DNAI1: variants seen among roughly 807,000 people sequenced by gnomAD.
DNAI1 encodes dynein axonemal intermediate chain 1.
DNAI1 carries 67 observed loss-of-function variants against 92.0 expected under a neutral mutation model. That is an observed-to-expected ratio of 0.73 (90% CI 0.60 to 0.89). DNAI1 has a LOEUF of 0.89. Ranked by LOEUF, DNAI1 falls within the 40% of genes least tolerant of loss-of-function variation. The pLI is 0.00. For missense variants in DNAI1, 839 were observed against 866.6 expected, an observed-to-expected ratio of 0.97 and a Z score of 0.40; for synonymous variants, 323 against 319.6, an observed-to-expected ratio of 1.01 and a Z score of -0.11.
chr9:34,503,951 G>A (rs574680564), intron 12 of DNAI1, among the ~76,000 whole-genome samples: 11 of 152,184 alleles, frequency 7.2e-5, no homozygotes, highest in Non-Finnish European at 1.0e-4. Flanking sequence ...GATGTCAGCC[G>A]GCTGTACTGA....
chr9:34,470,413 G>A (rs188816144), intron 1 of DNAI1, among the ~76,000 whole-genome samples: 2 of 152,252 alleles, frequency 1.3e-5, no homozygotes, highest in East Asian at 1.9e-4. Context: ...ATAAAAGAAT[G>A]GAAAAATAAA....
intron 5 of DNAI1, 72 bp downstream of exon 5, chr9:34,489,521 T>G (rs141676682): frequency 6.4e-7 from 1 of 1,574,168 alleles, no homozygotes; most frequent in Non-Finnish European, 8.7e-7. Flanking sequence ...CTAGGGAGTA[T>G]ACCTCTAAGC....
At chr9:34,495,024 A>C (rs187954840) in intron 9 of DNAI1, among the ~76,000 whole-genome samples, 34 of 152,296 alleles carry the variant, frequency 2.2e-4, no homozygotes, top group Admixed American at 1.0e-3. Flanking sequence ...AATGTGCTGG[A>C]GGGGAGAAAA....
chr9:34,516,173 GT>G (rs1304649016), intron 18 of DNAI1, among the ~76,000 whole-genome samples: 1 of 152,158 alleles, frequency 6.6e-6, no homozygotes, highest in Non-Finnish European at 1.5e-5. Context: ...ATGCCCTGAG[GT>G]GGGAACCAGC....
intron 1 of DNAI1, among the ~76,000 whole-genome samples, chr9:34,461,032 A>G (rs529896886): frequency 3.4e-4 from 52 of 152,078 alleles, no homozygotes; most frequent in Non-Finnish European, 6.0e-4. Flanking sequence ...TGGTAGAGAC[A>G]GGGTTTCACT....
At chr9:34,472,728 A>G (rs1410450503) in intron 1 of DNAI1, among the ~76,000 whole-genome samples, 1 of 152,098 alleles carries the variant, frequency 6.6e-6, no homozygotes, top group Non-Finnish European at 1.5e-5. Flanking sequence ...ATAGTGAGAC[A>G]CTGCCACTAC....
chr9:34,517,354 A>T lies in DNAI1; in HGVS notation c.1888A>T (p.Asn630Tyr). The T allele has an allele frequency of 6.2e-7, 1 of 1,614,186 alleles. No homozygotes were observed. Among genetic ancestry groups the T allele is most frequent in the Non-Finnish European group, 8.5e-7 (1 of 1,180,034 alleles). The change falls in exon 19 of 20, where the codon AAC becomes TAC. Residue 630 changes from asparagine to tyrosine, a missense_variant. Asn to Tyr is a moderately radical substitution (Grantham distance 143). Transcript: ENST00000242317. ...CAACCAGCCTGTGGCGGCCAAAAAG[A>T]ACAGGCTCACCCACGTGCAGTTCAA... The part of the protein sequence containing the change: ...ICNQPVAAKK[N>Y]RLTHVQFNLI...
intron 12 of DNAI1, among the ~76,000 whole-genome samples, chr9:34,501,445 T>C (rs1824829239): frequency 6.6e-6 from 1 of 152,236 alleles, no homozygotes; most frequent in African/African-American, 2.4e-5. Context: ...GGGACCTGCA[T>C]ATGCAAAGGC....
At chr9:34,495,651 C>T (rs1824706929) in intron 9 of DNAI1, among the ~76,000 whole-genome samples, 1 of 152,130 alleles carries the variant, frequency 6.6e-6, no homozygotes, top group Admixed American at 6.5e-5. Context: ...TGGCTGTGTC[C>T]TCCTACCTCA....
At position 34,517,274 on chromosome 9, in the gene DNAI1, C is replaced by T. The variant is rs1423356050; in HGVS notation, c.1819-11C>T. On this transcript the variant is annotated splice_polypyrimidine_tract_variant and intron_variant, in intron 18 of 19. Transcript: ENST00000242317. ...TTACCCCTGAGTGTGCTGACACCGA[C>T]CTCTCCACAGGCCCACATATTTGAC... The T allele has an allele frequency of 1.9e-6, 3 of 1,612,384 alleles. No individual in the cohort carries two copies. Among genetic ancestry groups the T allele is most frequent in the Non-Finnish European group, 2.5e-6 (3 of 1,179,436 alleles).
rs369757755 is a variant in DNAI1, at chr9:34,514,752, G to A, written c.1818+13G>A. 1.2e-5 allele frequency: 19 copies of A among 1,613,580 alleles called. No individual in the cohort carries two copies. Among genetic ancestry groups the A allele is most frequent in the Admixed American group, 6.7e-5 (4 of 60,032 alleles). On this transcript the variant is annotated intron_variant, in intron 18 of 19. Coordinates refer to ENST00000242317, the MANE Select transcript of DNAI1 (RefSeq NM_012144.4). ...CACAGATGGGAAGGTGAGTGCCAGC[G>A]TCCTGACTTCACTGAGTCCCTACTG...
intron 12 of DNAI1, among the ~76,000 whole-genome samples, chr9:34,504,566 G>T (rs2132075078): frequency 6.6e-6 from 1 of 152,334 alleles, no homozygotes; most frequent in Middle Eastern, 3.4e-3. Context: ...TAGTTATTTA[G>T]GTTCTCAAAT....
chr9:34,492,655 G>A (rs984495204), intron 8 of DNAI1, among the ~76,000 whole-genome samples: 1 of 150,888 alleles, frequency 6.6e-6, no homozygotes, highest in Non-Finnish European at 1.5e-5. Flanking sequence ...GAGTAGCTGG[G>A]ACTACAGGGG....
intron 19 of DNAI1, among the ~76,000 whole-genome samples, chr9:34,520,361 CCT>C (rs1383811498): frequency 1.3e-5 from 2 of 152,184 alleles, no homozygotes; most frequent in African/African-American, 2.4e-5. Flanking sequence ...AGGTTGTTCC[CCT>C]GAGGGTCAGG....
intron 10 of DNAI1, among the ~76,000 whole-genome samples, chr9:34,498,224 C>T (rs569314140): frequency 1.5e-4 from 23 of 152,300 alleles, no homozygotes; most frequent in African/African-American, 5.5e-4. Flanking sequence ...TGGGAGTAGC[C>T]TGTGTGTCAG....
intron 1 of DNAI1, among the ~76,000 whole-genome samples, chr9:34,482,362 C>T (rs79076248): frequency 7.1e-6 from 1 of 141,456 alleles, no homozygotes; most frequent in Admixed American, 7.3e-5. Flanking sequence ...TTTACAATCC[C>T]TGAGCTAGAT....
chr9:34,491,946 G>A (rs1276561413), intron 8 of DNAI1, among the ~76,000 whole-genome samples: 1 of 152,176 alleles, frequency 6.6e-6, no homozygotes, highest in African/African-American at 2.4e-5. Context: ...GCAGCCTTCA[G>A]TGTTCCTGCA....
chr9:34,458,877 C>T lies in DNAI1; in HGVS notation c.-129C>T. 2.5e-6 allele frequency: 2 copies of T among 805,780 alleles called. No individual in the cohort carries two copies. The highest frequency in any genetic ancestry group is 4.3e-6 in the Non-Finnish European group (2 of 460,702). 49.9% of individuals were successfully genotyped at this position (805,780 alleles called of 1,614,324 possible). On this transcript the variant is annotated 5_prime_UTR_variant, in exon 1 of 20. Coordinates refer to ENST00000242317, the MANE Select transcript of DNAI1 (RefSeq NM_012144.4). This position sits in a 1 kb window ranked among gnomAD's most constrained non-coding sequence, Gnocchi z 6.6. Reference sequence around the variant, plus strand: ...CACGGGGACCCACAACGACGGCTGTCCCTAAAGAACCGTTGCGACTGGTAA... The same window carrying T: ...CACGGGGACCCACAACGACGGCTGTTCCTAAAGAACCGTTGCGACTGGTAA...
intron 1 of DNAI1, among the ~76,000 whole-genome samples, chr9:34,479,943 A>G (rs1041197876): frequency 2.0e-5 from 3 of 152,216 alleles, no homozygotes; most frequent in Non-Finnish European, 4.4e-5. Context: ...TGCAAGAGCT[A>G]TAAGTGCCCA....
Sources: gnomAD v4.1 joint callset for allele counts (sites outside exome capture counted in the v4.1 genomes callset) on GRCh38, gnomAD v4.1.1 for gene constraint, Gnocchi (gnomAD v3.1) non-coding constraint, MANE v1.5 for transcripts, NCBI Gene and HGNC (gene_info 2026-07-23, HGNC 2026-07-21) for gene names.